Variants in TGFB2 observed in about 807,000 individuals in gnomAD.
The protein encoded by TGFB2 is transforming growth factor beta 2, also known as transforming growth factor beta-2 proprotein.
TGFB2 carries 13 observed loss-of-function variants against 42.7 expected under a neutral mutation model. The observed-to-expected ratio is 0.30, with a 90% confidence interval of 0.20 to 0.48. The LOEUF is 0.48. TGFB2 is among the 20% of genes least tolerant of loss of function. The pLI, the probability that TGFB2 is intolerant of heterozygous loss-of-function variation, is 0.99. For synonymous variants in TGFB2, 193 were observed against 193.6 expected (o/e 1.00, Z 0.03); for missense variants, 390 against 517.5 (o/e 0.75, Z 2.39).
intron 2 of TGFB2, among the ~76,000 whole-genome samples, chr1:218,429,711 T>G (rs1381054064): frequency 6.6e-6 from 1 of 152,214 alleles, no homozygotes; most frequent in Non-Finnish European, 1.5e-5. Context: ...GGAACTTGTC[T>G]TTATGAAGAC....
At chr1:218,399,684 C>T (rs1658648177) in intron 1 of TGFB2, among the ~76,000 whole-genome samples, 1 of 152,114 alleles carries the variant, frequency 6.6e-6, no homozygotes, top group African/African-American at 2.4e-5. Context: ...TTGCTCCCTA[C>T]TCAGTGGAAA....
chr1:218,372,928 G>A (rs919368089), intron 1 of TGFB2, among the ~76,000 whole-genome samples: 1 of 152,142 alleles, frequency 6.6e-6, no homozygotes, highest in Non-Finnish European at 1.5e-5. Flanking sequence ...TGTAATCCCA[G>A]CACTTTGGGA....
At position 218,434,157 on chromosome 1, in the gene TGFB2, G is replaced by A; in HGVS notation, c.586G>A (p.Gly196Ser). 1 of 1,614,214 alleles carries A rather than the reference G, an allele frequency of 6.2e-7. No individual in the cohort carries two copies. Among genetic ancestry groups the A allele is most frequent in the South Asian group, 1.1e-5 (1 of 91,090 alleles). The part of the protein sequence containing the change: ...DSKVVKTRAE[G>S]EWLSFDVTDA... Reference sequence around the variant, plus strand: ...CAAAGTTGTGAAAACAAGAGCAGAAGGCGAATGGCTCTCCTTCGATGTAAC... The same window carrying A: ...CAAAGTTGTGAAAACAAGAGCAGAAAGCGAATGGCTCTCCTTCGATGTAAC... The change falls in exon 3 of 7, where the codon GGC (glycine) becomes AGC (serine). Residue 196 changes from glycine (G) to serine (S), a missense_variant. Coordinates refer to ENST00000366930, the MANE Select transcript of TGFB2 (RefSeq NM_003238.6).
At chr1:218,369,230 G>T (rs1657489229) in intron 1 of TGFB2, among the ~76,000 whole-genome samples, 1 of 124,460 alleles carries the variant, frequency 8.0e-6, no homozygotes, top group African/African-American at 3.2e-5. Flanking sequence ...ACTCCAGCCT[G>T]GGCAACAAAG....
chr1:218,394,321 A>C (rs932825109), intron 1 of TGFB2, among the ~76,000 whole-genome samples: 1 of 152,106 alleles, frequency 6.6e-6, no homozygotes, highest in Non-Finnish European at 1.5e-5. Context: ...GAGCCTGATG[A>C]GGAATGTAGA....
In TGFB2 at chr1:218,417,705, T is replaced by C. The variant is rs189660372; in HGVS notation, c.510+12373T>C. Among the ~76,000 whole-genome samples, 704 of 152,276 alleles carry C rather than the reference T, an allele frequency of 4.6e-3. 12 individuals carry two copies. The highest frequency in any genetic ancestry group is 0.016 in the African/African-American group (676 of 41,560). On this transcript the variant is annotated intron_variant, in intron 2 of 6. Coordinates refer to ENST00000366930, the MANE Select transcript of TGFB2 (RefSeq NM_003238.6). ...AAAGGCCTAAGAGGAAAATGTGGTT[T>C]TGTGGGCCTGGCCCAGGGTCCCTGT...
intron 1 of TGFB2, among the ~76,000 whole-genome samples, chr1:218,365,239 C>G (rs1315192691): frequency 6.6e-6 from 1 of 152,054 alleles, no homozygotes; most frequent in Non-Finnish European, 1.5e-5. Context: ...ACTTTTCCCC[C>G]CTTTTTTGGC....
In TGFB2 at chr1:218,353,240, T is replaced by A. The variant is rs560561352; in HGVS notation, c.346+6193T>A. Reference sequence around the variant, plus strand: ...AGCTCATTCTTTTCCTTTGCGATAGTTCCACTCAGTGGATCTCTTTCCTTT... The same window carrying A: ...AGCTCATTCTTTTCCTTTGCGATAGATCCACTCAGTGGATCTCTTTCCTTT... On this transcript the variant is annotated intron_variant, in intron 1 of 6. Coordinates refer to ENST00000366930, the MANE Select transcript of TGFB2 (RefSeq NM_003238.6). 3.9e-5 allele frequency among the ~76,000 whole-genome samples: 6 copies of A among 152,332 alleles called. No individual in the cohort carries two copies. The East Asian group carries it at 1.2e-3, about 29-fold the overall frequency.
At chr1:218,378,635 A>G (rs1657837941) in intron 1 of TGFB2, among the ~76,000 whole-genome samples, 1 of 152,030 alleles carries the variant, frequency 6.6e-6, no homozygotes, top group African/African-American at 2.4e-5. Context: ...CTGTTGAGAC[A>G]GAGTCTCACT....
At chr1:218,403,336 G>C (rs1004658616) in intron 1 of TGFB2, among the ~76,000 whole-genome samples, 1 of 152,158 alleles carries the variant, frequency 6.6e-6, no homozygotes, top group Admixed American at 6.5e-5. Flanking sequence ...CCGTGGGCCT[G>C]TGTGCTGAGA....
chr1:218,437,099 G>A (rs1006941357), intron 5 of TGFB2, among the ~76,000 whole-genome samples: 1 of 152,182 alleles, frequency 6.6e-6, no homozygotes, highest in African/African-American at 2.4e-5. Context: ...AGACAAGGAA[G>A]TCAGGGTATA....
chr1:218,412,708 T>C (rs985355834), intron 2 of TGFB2, among the ~76,000 whole-genome samples: 1 of 152,174 alleles, frequency 6.6e-6, no homozygotes, highest in Non-Finnish European at 1.5e-5. Flanking sequence ...GTTCAACATG[T>C]GTTAGTTCCC....
At chr1:218,384,630 G>A (rs1369672188) in intron 1 of TGFB2, among the ~76,000 whole-genome samples, 1 of 152,200 alleles carries the variant, frequency 6.6e-6, no homozygotes, top group Non-Finnish European at 1.5e-5. Flanking sequence ...CCCAGCTGCT[G>A]TTATTCTTGG....
intron 1 of TGFB2, among the ~76,000 whole-genome samples, chr1:218,378,677 G>T (rs1657839623): frequency 6.6e-6 from 1 of 151,940 alleles, no homozygotes; most frequent in Non-Finnish European, 1.5e-5. Flanking sequence ...AGGGACCATA[G>T]CTCACTGCAG....
rs1660187460 is a variant in TGFB2, at chr1:218,442,519, A to G, written c.*1157A>G. ...CTTTTTAATGATCACTCACAAATGT[A>G]TGTTTCTTTTAGCTGGCCAGTACTT... On this transcript the variant is annotated 3_prime_UTR_variant, in exon 7 of 7. Coordinates refer to ENST00000366930, the MANE Select transcript of TGFB2 (RefSeq NM_003238.6). The G allele has an allele frequency of 6.6e-6, 1 of 152,018 alleles. No individual in the cohort carries two copies. Among genetic ancestry groups the G allele is most frequent in the African/African-American group, 2.4e-5 (1 of 41,404 alleles). The allele number at this position is 152,018 out of a possible 1,614,324, so 9.4% of individuals were successfully genotyped here.
At chr1:218,388,016 T>A in intron 1 of TGFB2, among the ~76,000 whole-genome samples, 1 of 151,752 alleles carries the variant, frequency 6.6e-6, no homozygotes, top group Admixed American at 6.6e-5. Flanking sequence ...CAAGAACACA[T>A]CTGTGTCCTC....
chr1:218,436,223 G>A, intron 5 of TGFB2, 76 bp downstream of exon 5: 2 of 1,496,494 alleles, frequency 1.3e-6, no homozygotes, highest in Non-Finnish European at 1.8e-6. Flanking sequence ...CTTTTACTGT[G>A]TATTGACCCA....
In TGFB2 at chr1:218,441,402, A is replaced by T; in HGVS notation, c.*40A>T. On this transcript the variant is annotated 3_prime_UTR_variant, in exon 7 of 7. Coordinates refer to ENST00000366930, the MANE Select transcript of TGFB2 (RefSeq NM_003238.6). ...TGGCAAGACCAAAATGACAATGATGATGATAATGATGATGACGACGACAAC... is the reference window on the plus strand; with the variant it reads ...TGGCAAGACCAAAATGACAATGATGTTGATAATGATGATGACGACGACAAC... 1 of 1,565,570 alleles carries T rather than the reference A, an allele frequency of 6.4e-7. No homozygotes were observed. Among genetic ancestry groups the T allele is most frequent in the African/African-American group, 1.4e-5 (1 of 72,934 alleles).
intron 1 of TGFB2, among the ~76,000 whole-genome samples, chr1:218,394,472 C>CT (rs1185244800): frequency 5.3e-5 from 8 of 151,598 alleles, no homozygotes; most frequent in South Asian, 2.1e-4. Flanking sequence ...TGTTATTTTA[C>CT]TTTTTTTTTG....
Sources: gnomAD v4.1 joint callset for allele counts (sites outside exome capture counted in the v4.1 genomes callset) on GRCh38, gnomAD v4.1.1 for gene constraint, MANE v1.5 for transcripts, NCBI Gene and HGNC (gene_info 2026-07-23, HGNC 2026-07-21) for gene names.